CD2AP: variants seen among roughly 807,000 people sequenced by gnomAD.
CD2AP encodes the protein CD2-associated protein.
CD2AP carries 46 observed loss-of-function variants against 85.1 expected under a neutral mutation model. The ratio of observed to expected loss-of-function variants is 0.54; its 90% CI spans 0.43 to 0.69. The LOEUF is 0.69. Ranked by LOEUF, CD2AP falls within the 30% of genes least tolerant of loss-of-function variation. The pLI is 0.00. For missense variants in CD2AP, 769 were observed against 729.5 expected, an observed-to-expected ratio of 1.05 and a Z score of -0.62; for synonymous variants, 255 against 252.9, an observed-to-expected ratio of 1.01 and a Z score of -0.08.
intron 4 of CD2AP, 129 bp downstream of exon 4, chr6:47,544,835 G>A (rs1025759984): frequency 3.5e-5 from 23 of 657,364 alleles, no homozygotes; most frequent in Non-Finnish European, 6.2e-5. Context: ...ATGGTATAGA[G>A]TTTCTTTACT....
chr6:47,612,410 A>G, intron 16 of CD2AP, 63 bp from the exon 17 acceptor site: 5 of 1,206,130 alleles, frequency 4.1e-6, no homozygotes, highest in Non-Finnish European at 6.1e-6. Context: ...AAAAGCCTGT[A>G]AACATTAGTC....
At chr6:47,602,812 G>GT (rs1356084416) in intron 13 of CD2AP, among the ~76,000 whole-genome samples, 1 of 151,538 alleles carries the variant, frequency 6.6e-6, no homozygotes, top group African/African-American at 2.4e-5. Flanking sequence ...AGGTGAGAGG[G>GT]TTTCTTAAAG....
At chr6:47,509,282 C>G (rs1008226923) in intron 2 of CD2AP, among the ~76,000 whole-genome samples, 1 of 152,098 alleles carries the variant, frequency 6.6e-6, no homozygotes, top group Non-Finnish European at 1.5e-5. Context: ...TTAAAGATCA[C>G]TAATCACAGA....
At chr6:47,609,707 A>G (rs902015475) in intron 16 of CD2AP, among the ~76,000 whole-genome samples, 2 of 151,934 alleles carry the variant, frequency 1.3e-5, no homozygotes, top group African/African-American at 4.8e-5. Context: ...CTCAAAAAAA[A>G]GTCTCTGGTA....
intron 15 of CD2AP, among the ~76,000 whole-genome samples, chr6:47,608,584 A>G (rs1305369696): frequency 6.6e-6 from 1 of 152,120 alleles, no homozygotes; most frequent in Non-Finnish European, 1.5e-5. Flanking sequence ...AGCGTTTCCA[A>G]TTTATTAAAT....
intron 5 of CD2AP, among the ~76,000 whole-genome samples, chr6:47,555,752 G>T (rs1767664667): frequency 6.6e-6 from 1 of 151,998 alleles, no homozygotes; most frequent in Non-Finnish European, 1.5e-5. Context: ...AGAAAACTGT[G>T]CCTTGGTTGT....
In CD2AP at chr6:47,616,082, C is replaced by CTTTTTTTTTTTTTTTTTT. The variant is rs562350159; in HGVS notation, c.1878+3556_1878+3573dup. Among the ~76,000 whole-genome samples, 10 of 63,826 alleles carry CTTTTTTTTTTTTTTTTTT rather than the reference C, an allele frequency of 1.6e-4. 1 individual carries two copies. The highest frequency in any genetic ancestry group is 2.9e-4 in the African/African-American group (4 of 13,782). 41.9% of individuals were successfully genotyped at this position (63,826 alleles called of 152,430 possible). A position where few individuals can be genotyped will look rare whatever the true frequency, so the allele number is the denominator to read the frequency against. Reference sequence around the variant, plus strand: ...GCAGGCATGAGCCACTGCGCCTGGCCTTTTTTTTTTTTTTTTTTTTTTTTT... The same window carrying CTTTTTTTTTTTTTTTTTT: ...GCAGGCATGAGCCACTGCGCCTGGCCTTTTTTTTTTTTTTTTTTTTTTTTTTTTTTTTTTTTTTTTTTT... On this transcript the variant is annotated intron_variant, in intron 17 of 17. Coordinates refer to ENST00000359314, the MANE Select transcript of CD2AP (RefSeq NM_012120.3).
At position 47,579,334 on chromosome 6, in the gene CD2AP, T is replaced by TAA. The variant is rs34735056; in HGVS notation, c.904-38_904-37dup. 317,816 of 790,904 alleles carry TAA rather than the reference T, an allele frequency of 0.4. 19,370 individuals are homozygous for TAA. The highest frequency in any genetic ancestry group is 0.47 in the African/African-American group (26,218 of 55,694). 49.0% of individuals were successfully genotyped at this position (790,904 alleles called of 1,614,324 possible). A position where few individuals can be genotyped will look rare whatever the true frequency, so the allele number is the denominator to read the frequency against. On this transcript the variant is annotated intron_variant, in intron 8 of 17. Coordinates refer to ENST00000359314, the MANE Select transcript of CD2AP (RefSeq NM_012120.3). ...TGGCCAACAGAGCAACACTTTATCT[T>TAA]AAAAAAAAAAAAAAGGTCTATTGTC... is the stretch of plus-strand genomic sequence containing the variant.
intron 5 of CD2AP, among the ~76,000 whole-genome samples, chr6:47,569,793 A>G (rs750174965): frequency 1.3e-5 from 2 of 152,188 alleles, no homozygotes; most frequent in Non-Finnish European, 2.9e-5. Context: ...GCTAGTCACC[A>G]GGAGTCAAGG....
rs750307379 is a variant in CD2AP at position 47,574,118 on chromosome 6, A to T, written c.596A>T (p.Glu199Val). Residue 199 changes from glutamate to valine, a missense_variant, in exon 6 of 18, where the codon GAA (glutamate) becomes GTA (valine). Glu to Val is a moderately radical substitution (Grantham distance 121). Coordinates refer to ENST00000359314, the MANE Select transcript of CD2AP (RefSeq NM_012120.3). ...ATACCTTCTCTGGGAAATGTGAGTGAAACTGCATCTGGATCAGTTACACAG... is the reference window on the plus strand; with the variant it reads ...ATACCTTCTCTGGGAAATGTGAGTGTAACTGCATCTGGATCAGTTACACAG... ...SPIPSLGNVS[E>V]TASGSVTQPK... 1 of 1,614,018 alleles carries T rather than the reference A, an allele frequency of 6.2e-7. No homozygotes were observed. Among genetic ancestry groups the T allele is most frequent in the Admixed American group, 1.7e-5 (1 of 60,026 alleles).
At chr6:47,556,993 C>G (rs181924499) in intron 5 of CD2AP, among the ~76,000 whole-genome samples, 27 of 152,174 alleles carry the variant, frequency 1.8e-4, no homozygotes, top group Admixed American at 9.8e-4. Context: ...TCTGTTGTTT[C>G]CTGACTTTTT....
At chr6:47,488,025 C>CTTT (rs35093088) in intron 1 of CD2AP, among the ~76,000 whole-genome samples, 2 of 127,598 alleles carry the variant, frequency 1.6e-5, no homozygotes, top group Non-Finnish European at 3.3e-5. Flanking sequence ...GGATGAGATC[C>CTTT]TTTTTTTTTT....
At chr6:47,619,457 C>T (rs1769686894) in intron 17 of CD2AP, among the ~76,000 whole-genome samples, 3 of 152,176 alleles carry the variant, frequency 2.0e-5, no homozygotes, top group South Asian at 4.1e-4. Context: ...GTTTCTTTAT[C>T]CAGTTGTTGA....
chr6:47,556,230 C>G (rs1314192133), intron 5 of CD2AP, among the ~76,000 whole-genome samples: 3 of 149,290 alleles, frequency 2.0e-5, no homozygotes, highest in Admixed American at 1.3e-4. Context: ...CCCCCTCCCC[C>G]TGATAGGCCC....
chr6:47,589,565 C>CACATATATATATATATAT (rs139814970), intron 11 of CD2AP, among the ~76,000 whole-genome samples: 6,237 of 120,564 alleles, frequency 0.052, 235 homozygotes, highest in Non-Finnish European at 0.074. Flanking sequence ...CACACACACA[C>CACATATATATATATATAT]ATATATATAT....
chr6:47,503,459 A>G lies in CD2AP; in HGVS notation c.165+19A>G. On this transcript the variant is annotated intron_variant, in intron 2 of 17. Coordinates refer to ENST00000359314, the MANE Select transcript of CD2AP (RefSeq NM_012120.3). Reference sequence around the variant, plus strand: ...CGTTAAGGTAAGTATTTTCAGTTAAATTTCTAGCTCTTGCTTCATAGGATT... The same window carrying G: ...CGTTAAGGTAAGTATTTTCAGTTAAGTTTCTAGCTCTTGCTTCATAGGATT... 1 of 1,600,696 alleles carries G rather than the reference A, an allele frequency of 6.2e-7. No homozygotes were observed. The highest frequency in any genetic ancestry group is 8.6e-7 in the Non-Finnish European group (1 of 1,167,892).
chr6:47,479,229 C>CT (rs1454764500), intron 1 of CD2AP, among the ~76,000 whole-genome samples: 1 of 152,172 alleles, frequency 6.6e-6, no homozygotes, highest in African/African-American at 2.4e-5. Context: ...CAGGAGGACC[C>CT]TATCACTTTT....
intron 17 of CD2AP, among the ~76,000 whole-genome samples, chr6:47,614,888 T>TA (rs1561834449): frequency 6.6e-6 from 1 of 152,216 alleles, no homozygotes; most frequent in Non-Finnish European, 1.5e-5. Context: ...CATTTAAACT[T>TA]AAGAGTTTAT....
intron 16 of CD2AP, among the ~76,000 whole-genome samples, chr6:47,612,204 A>G (rs1769463804): frequency 6.6e-6 from 1 of 152,092 alleles, no homozygotes; most frequent in Non-Finnish European, 1.5e-5. Flanking sequence ...AATTTCTTCT[A>G]AAGGTTAGAT....
Sources: gnomAD v4.1 joint callset for allele counts (sites outside exome capture counted in the v4.1 genomes callset) on GRCh38, gnomAD v4.1.1 for gene constraint, MANE v1.5 for transcripts, NCBI Gene and HGNC (gene_info 2026-07-23, HGNC 2026-07-21) for gene names.